The following XRCC4 variants were observed in gnomAD, a reference collection of about 807,000 sequenced individuals.
XRCC4 encodes the protein DNA repair protein XRCC4.
XRCC4 carries 28 observed loss-of-function variants against 39.1 expected under a neutral mutation model. That is an observed-to-expected ratio of 0.72 (90% CI 0.53 to 0.98). XRCC4 has a LOEUF of 0.98. XRCC4 is among the 50% of genes least tolerant of loss of function. The pLI is 0.00. For synonymous variants in XRCC4, 123 were observed against 126.4 expected, an observed-to-expected ratio of 0.97 and a Z score of 0.18; for missense variants, 350 against 376.4, an observed-to-expected ratio of 0.93 and a Z score of 0.58.
At chr5:83,351,220 C>T (rs928727807) in intron 7 of XRCC4, among the ~76,000 whole-genome samples, 2 of 152,180 alleles carry the variant, frequency 1.3e-5, no homozygotes, top group African/African-American at 2.4e-5. Flanking sequence ...GCCATGTTTC[C>T]TGTACAGCCT....
At chr5:83,146,134 T>G (rs963909542) in intron 3 of XRCC4, among the ~76,000 whole-genome samples, 12 of 152,316 alleles carry the variant, frequency 7.9e-5, no homozygotes, top group African/African-American at 2.9e-4. Flanking sequence ...CTAATTAAAG[T>G]CATGCCTGTA....
At chr5:83,172,979 A>G (rs1328090992) in intron 3 of XRCC4, among the ~76,000 whole-genome samples, 4 of 152,166 alleles carry the variant, frequency 2.6e-5, no homozygotes, top group Non-Finnish European at 4.4e-5. Context: ...TTGTGTTCTA[A>G]CAACAGTCAC....
intron 1 of XRCC4, among the ~76,000 whole-genome samples, chr5:83,079,457 T>C (rs1050085880): frequency 6.6e-6 from 1 of 152,204 alleles, no homozygotes; most frequent in Non-Finnish European, 1.5e-5. Context: ...TGAATCCTCA[T>C]TTAAAACCAT....
At chr5:83,117,115 T>A (rs534699795) in intron 3 of XRCC4, among the ~76,000 whole-genome samples, 66 of 152,324 alleles carry the variant, frequency 4.3e-4, no homozygotes, top group African/African-American at 1.6e-3. Flanking sequence ...TTTAACTTCA[T>A]TCTCATTTGA....
At chr5:83,119,273 G>A (rs1746882865) in intron 3 of XRCC4, among the ~76,000 whole-genome samples, 1 of 152,100 alleles carries the variant, frequency 6.6e-6, no homozygotes, top group African/African-American at 2.4e-5. Context: ...ATGACTTTCA[G>A]GTCTGTGGGA....
At chr5:83,138,070 T>C (rs1268393627) in intron 3 of XRCC4, among the ~76,000 whole-genome samples, 1 of 152,192 alleles carries the variant, frequency 6.6e-6, no homozygotes, top group Admixed American at 6.5e-5. Context: ...TTAATAATGC[T>C]AACTCACAGG....
At chr5:83,116,293 G>C (rs1746706135) in intron 3 of XRCC4, among the ~76,000 whole-genome samples, 1 of 152,090 alleles carries the variant, frequency 6.6e-6, no homozygotes. Context: ...TGTGAATTCT[G>C]TTGTTTCTTA....
chr5:83,192,986 T>C (rs1000975296), intron 3 of XRCC4, among the ~76,000 whole-genome samples: 2 of 152,248 alleles, frequency 1.3e-5, no homozygotes, highest in African/African-American at 2.4e-5. Flanking sequence ...CAGTACGATA[T>C]AGCTTTTGTG....
At chr5:83,280,546 C>T in intron 7 of XRCC4, 1 of 576,208 alleles carries the variant, frequency 1.7e-6, no homozygotes, top group Non-Finnish European at 3.1e-6. Context: ...CTGCACAGGC[C>T]CCTGCACTGG....
rs1200373374 is a variant in XRCC4 at position 83,077,616 on chromosome 5, G to T, written c.-11+1G>T. 2.3e-6 allele frequency: 1 copy of T among 431,122 alleles called. No homozygotes were observed. The highest frequency in any genetic ancestry group is 4.2e-6 in the Non-Finnish European group (1 of 235,832). 26.7% of individuals were successfully genotyped at this position (431,122 alleles called of 1,614,324 possible). Reference sequence around the variant, plus strand: ...ATACCGGAAGTAGAGTCACGGAGAGGTAGGATCCGGAAGTGGGGCTGCCTC... The same window carrying T: ...ATACCGGAAGTAGAGTCACGGAGAGTTAGGATCCGGAAGTGGGGCTGCCTC... On this transcript the variant is annotated splice_donor_variant, in intron 1 of 7. Coordinates refer to ENST00000396027, the MANE Select transcript of XRCC4 (RefSeq NM_003401.5). LOFTEE classifies it low-confidence loss of function (5UTR_SPLICE).
intron 3 of XRCC4, among the ~76,000 whole-genome samples, chr5:83,128,928 C>G (rs1747414094): frequency 6.6e-6 from 1 of 152,058 alleles, no homozygotes; most frequent in Non-Finnish European, 1.5e-5. Flanking sequence ...TGTAGGTTGC[C>G]TGCTCACTCT....
Position 83,092,191 on chromosome 5 carries a change from G to A in XRCC4, c.-10-12719G>A, listed in dbSNP as rs543793424. 5.9e-5 allele frequency among the ~76,000 whole-genome samples: 9 copies of A among 152,146 alleles called. No homozygotes were observed. The East Asian group carries it at 1.4e-3, about 23-fold the overall frequency. The stretch of plus-strand genomic sequence containing the variant: ...ATACCTATTCAGGTCAATAGCTCAC[G>A]TTTTTATTGGATTATCTGTTTTGTT... On this transcript the variant is annotated intron_variant, in intron 1 of 7. Coordinates refer to ENST00000396027, the MANE Select transcript of XRCC4 (RefSeq NM_003401.5).
chr5:83,328,313 G>A (rs1055472830), intron 7 of XRCC4, among the ~76,000 whole-genome samples: 2 of 152,036 alleles, frequency 1.3e-5, no homozygotes, highest in Non-Finnish European at 1.5e-5. Flanking sequence ...TTTGGATGGG[G>A]ACACAGCCAA....
intron 7 of XRCC4, among the ~76,000 whole-genome samples, chr5:83,275,568 T>C (rs1353375844): frequency 2.0e-5 from 3 of 152,134 alleles, no homozygotes; most frequent in Non-Finnish European, 4.4e-5. Context: ...GTGCTGGGAT[T>C]ACAGGCGTGA....
At chr5:83,327,069 G>A (rs570440478) in intron 7 of XRCC4, among the ~76,000 whole-genome samples, 52 of 152,068 alleles carry the variant, frequency 3.4e-4, no homozygotes, top group African/African-American at 9.4e-4. Context: ...TTTGCTTATT[G>A]AAGTGTAATT....
intron 3 of XRCC4, among the ~76,000 whole-genome samples, chr5:83,155,943 T>C (rs1355539790): frequency 6.6e-6 from 1 of 152,128 alleles, no homozygotes; most frequent in Non-Finnish European, 1.5e-5. Flanking sequence ...ACATGTTGAT[T>C]TGTCATATAA....
At chr5:83,195,665 CCTT>C in intron 3 of XRCC4, 102 bp from the exon 4 acceptor site, 2 of 1,115,276 alleles carry the variant, frequency 1.8e-6, no homozygotes, top group Non-Finnish European at 2.4e-6. Flanking sequence ...GTATTTAAAT[CCTT>C]CTTACACTTT....
intron 3 of XRCC4, among the ~76,000 whole-genome samples, chr5:83,118,367 T>A (rs1303268175): frequency 6.6e-6 from 1 of 151,954 alleles, no homozygotes; most frequent in Non-Finnish European, 1.5e-5. Flanking sequence ...AGTGATGTGA[T>A]CATAGCTCAC....
chr5:83,224,534 T>C (rs577553371), intron 6 of XRCC4, among the ~76,000 whole-genome samples: 1 of 152,310 alleles, frequency 6.6e-6, no homozygotes, highest in East Asian at 1.9e-4. Flanking sequence ...ACTGGAGATA[T>C]AATTGATTTA....
Sources: gnomAD v4.1 joint callset for allele counts (sites outside exome capture counted in the v4.1 genomes callset) on GRCh38, gnomAD v4.1.1 for gene constraint, MANE v1.5 for transcripts, NCBI Gene and HGNC (gene_info 2026-07-23, HGNC 2026-07-21) for gene names.